PTPN2: variants seen among roughly 807,000 people sequenced by gnomAD.
The protein encoded by PTPN2 is tyrosine-protein phosphatase non-receptor type 2.
PTPN2 carries 19 observed loss-of-function variants against 57.3 expected under a neutral mutation model. That is an observed-to-expected ratio of 0.33 (90% CI 0.23 to 0.49). PTPN2 has a LOEUF of 0.49. PTPN2 is among the 20% of genes least tolerant of loss of function. PTPN2 has a pLI of 0.99. For missense variants in PTPN2, 358 were observed against 501.1 expected (o/e 0.71, Z 2.73); for synonymous variants, 153 against 164.9 (o/e 0.93, Z 0.55).
rs1598808081 is a variant in PTPN2 at position 12,830,973 on chromosome 18, G to A, written c.330C>T (p.Val110=). ...CTTTCTCCACAATGCGGTTCAGCAT[G>A]ACAACTGCTTTGGTCTTCTGCTGCC... ...MVWQQKTKAV[V]MLNRIVEKES... Residue 110 remains valine, a synonymous_variant, in exon 4 of 9, where the codon GTC becomes GTT. Transcript: ENST00000309660. 2 of 1,608,302 alleles carry A rather than the reference G, an allele frequency of 1.2e-6. No homozygotes were observed. The highest frequency in any genetic ancestry group is 1.7e-6 in the Non-Finnish European group (2 of 1,174,996).
At chr18:12,883,282 T>C (rs555002881) in intron 1 of PTPN2, among the ~76,000 whole-genome samples, 1 of 152,198 alleles carries the variant, frequency 6.6e-6, no homozygotes. Context: ...ATAAAGAGAA[T>C]GACACGCTAT....
chr18:12,826,017 A>C, intron 4 of PTPN2, 73 bp from the exon 5 acceptor site: 1 of 1,291,700 alleles, frequency 7.7e-7, no homozygotes, highest in Non-Finnish European at 1.1e-6. Flanking sequence ...TAAAAAATGA[A>C]AACAAACCAG....
At chr18:12,800,498 C>T (rs531854394) in intron 8 of PTPN2, among the ~76,000 whole-genome samples, 3 of 152,082 alleles carry the variant, frequency 2.0e-5, no homozygotes, top group African/African-American at 7.2e-5. Flanking sequence ...TATGCTTTCT[C>T]TTGCAGTCTA....
chr18:12,801,741 T>A (rs1348577599), intron 8 of PTPN2: 2 of 445,474 alleles, frequency 4.5e-6, no homozygotes, highest in Non-Finnish European at 8.1e-6. Flanking sequence ...CTAATTTTGT[T>A]TATTTTCTGT....
chr18:12,872,019 G>T (rs2044282995), intron 1 of PTPN2, among the ~76,000 whole-genome samples: 2 of 150,896 alleles, frequency 1.3e-5, no homozygotes, highest in East Asian at 3.9e-4. Context: ...TAGCATTCCA[G>T]CCTGGGGCCA....
intron 1 of PTPN2, among the ~76,000 whole-genome samples, chr18:12,871,094 C>G (rs1366423742): frequency 1.3e-5 from 2 of 152,148 alleles, no homozygotes; most frequent in Non-Finnish European, 2.9e-5. Flanking sequence ...TATTAGCATA[C>G]TGTTTTGCAC....
Position 12,863,932 on chromosome 18 carries a change from C to G in PTPN2, c.70-4678G>C, listed in dbSNP as rs1007838441. On this transcript the variant is annotated intron_variant, in intron 1 of 8. Transcript: ENST00000309660. ...GCAATGATCCAAAATGTAGGCAACT[C>G]ATAGCACAAAGATATCTTTCACAGT... The G allele has an allele frequency of 8.5e-5, 13 of 152,322 alleles. No homozygotes were observed. In the East Asian group the frequency reaches 2.3e-3, roughly 27 times the overall value. The allele number at this position is 152,322 out of a possible 1,614,324, so 9.4% of individuals were successfully genotyped here.
Position 12,870,416 on chromosome 18 carries a change from TATATATATAC to T in PTPN2, c.70-11172_70-11163del, listed in dbSNP as rs1568169369. Among the ~76,000 whole-genome samples the T allele has an allele frequency of 4.4e-3, 287 of 65,670 alleles. 47 individuals are homozygous for T. Among genetic ancestry groups the T allele is most frequent in the African/African-American group, 0.028 (265 of 9,316 alleles). 43.1% of individuals were successfully genotyped at this position (65,670 alleles called of 152,430 possible). On this transcript the variant is annotated intron_variant, in intron 1 of 8. Coordinates refer to ENST00000309660, the MANE Select transcript of PTPN2 (RefSeq NM_002828.4). Reference sequence around the variant, plus strand: ...ATGTATATATACACGTATATATATGTATATATATACGTATATATATATGTGTATATATATA... The same window carrying T: ...ATGTATATATACACGTATATATATGTGTATATATATATGTGTATATATATA...
Position 12,877,230 on chromosome 18 carries a change from GA to G in PTPN2, c.69+6842del, listed in dbSNP as rs906417677. Among the ~76,000 whole-genome samples the G allele has an allele frequency of 2.0e-5, 3 of 149,770 alleles. No individual in the cohort carries two copies. In the South Asian group the frequency reaches 6.4e-4, roughly 32 times the overall value. On this transcript the variant is annotated intron_variant, in intron 1 of 8. Coordinates refer to ENST00000309660, the MANE Select transcript of PTPN2 (RefSeq NM_002828.4). ...CGTAGGTAGGTGGTGGGAAAACAAA[GA>G]AAAAAAAAGACCACCCTCAAGGAGC... is the stretch of plus-strand genomic sequence containing the variant.
chr18:12,880,176 G>A (rs1377777876), intron 1 of PTPN2, among the ~76,000 whole-genome samples: 3 of 152,112 alleles, frequency 2.0e-5, no homozygotes, highest in African/African-American at 4.8e-5. Flanking sequence ...GGAAAGAGAA[G>A]GGGGGAAAGT....
intron 1 of PTPN2, among the ~76,000 whole-genome samples, chr18:12,874,046 G>A (rs912881469): frequency 7.7e-4 from 116 of 150,738 alleles, no homozygotes; most frequent in African/African-American, 2.7e-3. Flanking sequence ...GAGACCCTCC[G>A]CCCGGCAGCC....
intron 1 of PTPN2, among the ~76,000 whole-genome samples, chr18:12,877,159 C>T (rs1413021284): frequency 6.6e-6 from 1 of 152,062 alleles, no homozygotes; most frequent in African/African-American, 2.4e-5. Flanking sequence ...AACAGTTTTC[C>T]TGTGTTTACT....
At chr18:12,825,423 T>C (rs1434559230) in intron 5 of PTPN2, among the ~76,000 whole-genome samples, 1 of 152,046 alleles carries the variant, frequency 6.6e-6, no homozygotes, top group Non-Finnish European at 1.5e-5. Flanking sequence ...AGGGAAGGCG[T>C]GGTAACCTCC....
chr18:12,837,118 T>C (rs781223499), intron 2 of PTPN2, among the ~76,000 whole-genome samples: 1 of 152,194 alleles, frequency 6.6e-6, no homozygotes, highest in Non-Finnish European at 1.5e-5. Flanking sequence ...CTTCTGTTTG[T>C]AGCACATTAG....
At chr18:12,850,263 G>A (rs536363605) in intron 2 of PTPN2, among the ~76,000 whole-genome samples, 6 of 152,252 alleles carry the variant, frequency 3.9e-5, no homozygotes, top group African/African-American at 1.4e-4. Flanking sequence ...GGCCGAGGCA[G>A]GCAGATCACT....
At chr18:12,880,485 T>C (rs1010192291) in intron 1 of PTPN2, 1 of 152,272 alleles carries the variant, frequency 6.6e-6, no homozygotes, top group African/African-American at 2.4e-5. Context: ...GTAGTTTGCA[T>C]TTCCTCCTAC....
chr18:12,815,835 T>G (rs1326473286), intron 6 of PTPN2, among the ~76,000 whole-genome samples: 1 of 152,196 alleles, frequency 6.6e-6, no homozygotes, highest in African/African-American at 2.4e-5. Flanking sequence ...ATCAAGCTCC[T>G]TGTGTGTGTG....
At chr18:12,845,783 AT>A (rs1339604876) in intron 2 of PTPN2, among the ~76,000 whole-genome samples, 1 of 152,134 alleles carries the variant, frequency 6.6e-6, no homozygotes, top group East Asian at 1.9e-4. Flanking sequence ...AGCACAAAGA[AT>A]TTTCTTCCCA....
chr18:12,814,153 C>T (rs1370350937), intron 7 of PTPN2, 50 bp downstream of exon 7: 2 of 1,329,000 alleles, frequency 1.5e-6, no homozygotes, highest in East Asian at 2.4e-5. Context: ...TTATTTGATG[C>T]TATGTGTATT....
Sources: allele counts gnomAD v4.1 joint callset (sites outside exome capture counted in the v4.1 genomes callset), GRCh38; gene constraint gnomAD v4.1.1; transcripts MANE v1.5; gene names NCBI Gene and HGNC (gene_info 2026-07-23, HGNC 2026-07-21).